DOCK1: variants seen among roughly 807,000 people sequenced by gnomAD.
DOCK1 encodes dedicator of cytokinesis protein 1.
DOCK1 carries 138 observed loss-of-function variants against 262.7 expected under a neutral mutation model. The ratio of observed to expected loss-of-function variants is 0.53; its 90% CI spans 0.46 to 0.61. DOCK1 has a LOEUF of 0.61. Among genes scored for constraint, DOCK1 ranks in the 20% least tolerant of loss-of-function variants. The pLI is 0.00. For synonymous variants in DOCK1, 866 were observed against 867.4 expected (o/e 1.00, Z 0.03); for missense variants, 1,908 against 2,370.7 (o/e 0.80, Z 4.05).
At chr10:127,066,410 T>C (rs7917277) in intron 23 of DOCK1, among the ~76,000 whole-genome samples, 140,499 of 152,236 alleles carry the variant, frequency 0.92, 64,837 homozygotes, top group Admixed American at 0.95. Context: ...CTTTTTTCCT[T>C]GGCATCTCTT....
chr10:127,114,241 T>C (rs2049038061), intron 25 of DOCK1, among the ~76,000 whole-genome samples: 1 of 152,160 alleles, frequency 6.6e-6, no homozygotes, highest in African/African-American at 2.4e-5. Context: ...ATGCCTGTAA[T>C]GGATATTTAT....
At chr10:127,111,527 G>A (rs1592069457) in intron 25 of DOCK1, among the ~76,000 whole-genome samples, 1 of 152,246 alleles carries the variant, frequency 6.6e-6, no homozygotes, top group East Asian at 1.9e-4. Flanking sequence ...TTTCTCACTG[G>A]AAACTGAATT....
At chr10:127,197,999 G>C (rs530785929) in intron 27 of DOCK1, among the ~76,000 whole-genome samples, 10 of 152,310 alleles carry the variant, frequency 6.6e-5, no homozygotes, top group African/African-American at 2.4e-4. Context: ...CAGGACGGGA[G>C]TCCTGAGCCT....
Position 127,384,918 on chromosome 10 carries a change from C to A in DOCK1, c.3927+9C>A, listed in dbSNP as rs1264119734. On this transcript the variant is annotated intron_variant, in intron 38 of 51. Coordinates refer to ENST00000623213, the MANE Select transcript of DOCK1 (RefSeq NM_001290223.2). ...ACTTCGACAAAGGCAAGGTAAAACA[C>A]AAAAAGCAATTGTCCTTGTTTTCCT... The A allele has an allele frequency of 6.3e-7, 1 of 1,581,102 alleles. No homozygotes were observed. The highest frequency in any genetic ancestry group is 8.6e-7 in the Non-Finnish European group (1 of 1,167,778).
chr10:127,429,713 C>T lies in DOCK1; in HGVS notation c.4915-3570C>T, dbSNP rs143908802. Among the ~76,000 whole-genome samples the T allele has an allele frequency of 5.2e-4, 79 of 152,292 alleles. 1 individual carries two copies. In the East Asian group the frequency reaches 0.015, roughly 30 times the overall value. On this transcript the variant is annotated intron_variant, in intron 47 of 51. Coordinates refer to ENST00000623213, the MANE Select transcript of DOCK1 (RefSeq NM_001290223.2). The stretch of plus-strand genomic sequence containing the variant: ...ATTCCCTGGATGGGAGCTCTGCAGC[C>T]CAGCTTCTCCTGACCTTTAGGGAGC...
At chr10:127,119,535 AC>A (rs2049410957) in intron 25 of DOCK1, among the ~76,000 whole-genome samples, 1 of 152,198 alleles carries the variant, frequency 6.6e-6, no homozygotes, top group Non-Finnish European at 1.5e-5. Flanking sequence ...GGAGGAAAGC[AC>A]GTGAACATGT....
intron 43 of DOCK1, among the ~76,000 whole-genome samples, chr10:127,412,107 T>C (rs1348699123): frequency 1.3e-5 from 2 of 151,380 alleles, no homozygotes; most frequent in Non-Finnish European, 3.0e-5. Context: ...GGACTACAGG[T>C]GCCCGCCACT....
chr10:127,241,772 G>C (rs1340691395), intron 27 of DOCK1, among the ~76,000 whole-genome samples: 1 of 152,090 alleles, frequency 6.6e-6, no homozygotes, highest in Non-Finnish European at 1.5e-5. Flanking sequence ...AACTAAACAG[G>C]TGTTTCTTCC....
At chr10:127,394,565 G>A (rs985264708) in intron 38 of DOCK1, among the ~76,000 whole-genome samples, 2 of 152,100 alleles carry the variant, frequency 1.3e-5, no homozygotes, top group African/African-American at 4.8e-5. Context: ...TTTCTTGTTG[G>A]CATTTCTAGA....
At chr10:127,214,907 G>C (rs192315614) in intron 27 of DOCK1, among the ~76,000 whole-genome samples, 73 of 152,258 alleles carry the variant, frequency 4.8e-4, no homozygotes, top group African/African-American at 1.7e-3. Context: ...AAACATATGC[G>C]TGTAGTTTCT....
At chr10:126,963,645 T>TCCCTTC in intron 1 of DOCK1, among the ~76,000 whole-genome samples, 1 of 65,774 alleles carries the variant, frequency 1.5e-5, no homozygotes, top group Non-Finnish European at 2.9e-5. Context: ...CTTCCCTCCT[T>TCCCTTC]CCTTCCTTCC....
intron 28 of DOCK1, among the ~76,000 whole-genome samples, chr10:127,249,707 A>G (rs1469765598): frequency 2.0e-5 from 3 of 152,200 alleles, no homozygotes; most frequent in Admixed American, 1.3e-4. Flanking sequence ...TTTCAGTTCC[A>G]TTACAATTTT....
chr10:127,391,504 T>G (rs2066477315), intron 38 of DOCK1, among the ~76,000 whole-genome samples: 1 of 152,360 alleles, frequency 6.6e-6, no homozygotes, highest in Middle Eastern at 3.4e-3. Flanking sequence ...GATGTTGTTT[T>G]CATTTGTGCT....
In DOCK1 at chr10:127,054,091, G is replaced by A. The variant is rs1314655211; in HGVS notation, c.2336+1276G>A. 2.0e-5 allele frequency among the ~76,000 whole-genome samples: 3 copies of A among 152,306 alleles called. No individual in the cohort carries two copies. In the East Asian group the frequency reaches 5.8e-4, roughly 29 times the overall value. On this transcript the variant is annotated intron_variant, in intron 22 of 51. Coordinates refer to ENST00000623213, the MANE Select transcript of DOCK1 (RefSeq NM_001290223.2). ...CGAGAATAAGGAATTGAAAGTGTGG[G>A]CCCACATCAGTGCCTTCCCGTTTCC...
chr10:126,922,209 CAAAAAAAAAA>C (rs1213635501), intron 1 of DOCK1, among the ~76,000 whole-genome samples: 4 of 63,942 alleles, frequency 6.3e-5, no homozygotes, highest in Non-Finnish European at 2.9e-5. Context: ...GACCCTGTAT[CAAAAAAAAAA>C]AAAAAAAAAA....
intron 29 of DOCK1, among the ~76,000 whole-genome samples, chr10:127,274,583 G>A (rs1485988843): frequency 6.6e-6 from 1 of 152,184 alleles, no homozygotes; most frequent in Non-Finnish European, 1.5e-5. Context: ...GGCATGTTTT[G>A]CAGGCCACAT....
rs2069202963 is a variant in DOCK1 at position 127,430,461 on chromosome 10, A to G, written c.4915-2822A>G. ...AAGCAGTGTGGCATGGCCTACAAGA[A>G]CAGCCAGGGACCAGGGTTCTGTTTC... On this transcript the variant is annotated intron_variant, in intron 47 of 51. Coordinates refer to ENST00000623213, the MANE Select transcript of DOCK1 (RefSeq NM_001290223.2). Among the ~76,000 whole-genome samples, 3 of 152,172 alleles carry G rather than the reference A, an allele frequency of 2.0e-5. No individual in the cohort carries two copies. In the South Asian group the frequency reaches 6.2e-4, roughly 32 times the overall value.
intron 12 of DOCK1, among the ~76,000 whole-genome samples, chr10:127,018,218 C>T (rs2135403078): frequency 6.6e-6 from 1 of 152,320 alleles, no homozygotes; most frequent in African/African-American, 2.4e-5. Context: ...CAGACTGGTG[C>T]TCCACTGCTC....
At chr10:126,936,206 C>A (rs2134214415) in intron 1 of DOCK1, among the ~76,000 whole-genome samples, 1 of 152,342 alleles carries the variant, frequency 6.6e-6, no homozygotes, top group Admixed American at 6.5e-5. Flanking sequence ...GTCTCAAATT[C>A]TTGGCCTCAG....
Sources: allele counts gnomAD v4.1 joint callset (sites outside exome capture counted in the v4.1 genomes callset), GRCh38; gene constraint gnomAD v4.1.1; transcripts MANE v1.5; gene names NCBI Gene and HGNC (gene_info 2026-07-23, HGNC 2026-07-21).